KCNMB2: variants seen among roughly 807,000 people sequenced by gnomAD.
KCNMB2 encodes the protein potassium calcium-activated channel subfamily M regulatory beta subunit 2, also known as calcium-activated potassium channel subunit beta-2.
A neutral mutation model predicts 24.5 loss-of-function variants in KCNMB2; 9 were observed. The ratio of observed to expected loss-of-function variants is 0.37; its 90% CI spans 0.22 to 0.64. The LOEUF is 0.64. Among genes scored for constraint, KCNMB2 ranks in the 30% least tolerant of loss-of-function variants. The pLI is 0.63. For missense variants in KCNMB2, 226 were observed against 284.3 expected, an observed-to-expected ratio of 0.79 and a Z score of 1.47; for synonymous variants, 109 against 104.4, an observed-to-expected ratio of 1.04 and a Z score of -0.27.
chr3:178,674,397 C>T (rs1721004401), intron 1 of KCNMB2, among the ~76,000 whole-genome samples: 1 of 152,126 alleles, frequency 6.6e-6, no homozygotes, highest in Non-Finnish European at 1.5e-5. Flanking sequence ...CCTATTTCAC[C>T]TACACTCATG....
chr3:178,750,660 A>G (rs1560001297), intron 1 of KCNMB2, among the ~76,000 whole-genome samples: 2 of 152,192 alleles, frequency 1.3e-5, no homozygotes, highest in African/African-American at 4.8e-5. Flanking sequence ...ATGCAGACAG[A>G]CTTTTGCACC....
intron 1 of KCNMB2, among the ~76,000 whole-genome samples, chr3:178,690,546 A>G (rs1402167322): frequency 6.6e-6 from 1 of 152,176 alleles, no homozygotes; most frequent in Non-Finnish European, 1.5e-5. Context: ...AGGAAGAGAA[A>G]GAGGGAGGGA....
intron 1 of KCNMB2, among the ~76,000 whole-genome samples, chr3:178,728,442 G>C (rs1238031900): frequency 1.3e-5 from 2 of 152,134 alleles, no homozygotes. Context: ...AAAAGTGTTG[G>C]GCAGGAGGCA....
intron 1 of KCNMB2, among the ~76,000 whole-genome samples, chr3:178,768,894 C>A (rs139056980): frequency 1.5e-4 from 23 of 152,314 alleles, no homozygotes; most frequent in African/African-American, 5.5e-4. Context: ...CACATTTTTC[C>A]TTTAGTTTCA....
intron 1 of KCNMB2, among the ~76,000 whole-genome samples, chr3:178,797,710 T>C (rs1408155062): frequency 2.0e-5 from 3 of 152,248 alleles, no homozygotes; most frequent in Admixed American, 2.0e-4. Context: ...GCATTGAATC[T>C]ATAAATTACT....
At chr3:178,760,530 G>A (rs1386968273) in intron 1 of KCNMB2, among the ~76,000 whole-genome samples, 1 of 140,880 alleles carries the variant, frequency 7.1e-6, no homozygotes, top group Non-Finnish European at 1.6e-5. Context: ...GTGTGTGTGT[G>A]TGTGTTTGTG....
intron 1 of KCNMB2, among the ~76,000 whole-genome samples, chr3:178,636,217 A>G (rs1719514883): frequency 6.6e-6 from 1 of 152,232 alleles, no homozygotes; most frequent in African/African-American, 2.4e-5. Flanking sequence ...CTTCAGCATA[A>G]AAATGATATA....
chr3:178,826,773 T>G (rs1191884805), intron 3 of KCNMB2, among the ~76,000 whole-genome samples: 1 of 152,238 alleles, frequency 6.6e-6, no homozygotes, highest in Admixed American at 6.5e-5. Flanking sequence ...TGAAATACAG[T>G]AATTTGCTGA....
In KCNMB2 at chr3:178,669,997, G is replaced by T. The variant is rs535779458; in HGVS notation, c.-68+133286G>T. Among the ~76,000 whole-genome samples, 4 of 152,118 alleles carry T rather than the reference G, an allele frequency of 2.6e-5. No homozygotes were observed. The East Asian group carries it at 7.7e-4, about 29-fold the overall frequency. On this transcript the variant is annotated intron_variant, in intron 1 of 4. Transcript: ENST00000452583. ...GAGCTGGTTTTCATTGATTCTTCTT[G>T]ACTAGAAAATACATATACATATTGA...
chr3:178,731,450 C>G (rs1372764379), intron 1 of KCNMB2, among the ~76,000 whole-genome samples: 1 of 152,092 alleles, frequency 6.6e-6, no homozygotes. Flanking sequence ...GCCAAATGTC[C>G]CCCGTGGGAA....
At chr3:178,703,330 A>T (rs1722167475) in intron 1 of KCNMB2, among the ~76,000 whole-genome samples, 1 of 152,168 alleles carries the variant, frequency 6.6e-6, no homozygotes, top group Non-Finnish European at 1.5e-5. Flanking sequence ...ATTTGCCTAC[A>T]TGCTTTCCAC....
intron 1 of KCNMB2, among the ~76,000 whole-genome samples, chr3:178,652,754 C>A (rs912527037): frequency 6.6e-6 from 1 of 151,500 alleles, no homozygotes; most frequent in Admixed American, 6.6e-5. Context: ...CCTCTTCCTC[C>A]TGGGTTCAAG....
intron 1 of KCNMB2, among the ~76,000 whole-genome samples, chr3:178,688,916 T>C (rs1369208200): frequency 2.0e-5 from 3 of 152,204 alleles, no homozygotes; most frequent in Non-Finnish European, 4.4e-5. Flanking sequence ...TTATTTTTAT[T>C]TGAACAGCAA....
At chr3:178,594,266 C>T (rs1026396002) in intron 1 of KCNMB2, among the ~76,000 whole-genome samples, 1 of 152,036 alleles carries the variant, frequency 6.6e-6, no homozygotes, top group Non-Finnish European at 1.5e-5. Context: ...TTTAAAGGCT[C>T]ACTCTGGCTT....
At chr3:178,772,595 T>G (rs182402518) in intron 1 of KCNMB2, among the ~76,000 whole-genome samples, 1 of 152,248 alleles carries the variant, frequency 6.6e-6, no homozygotes, top group Non-Finnish European at 1.5e-5. Flanking sequence ...TCTCTTACTT[T>G]TGTAAATTAC....
intron 1 of KCNMB2, among the ~76,000 whole-genome samples, chr3:178,583,683 G>T (rs74635843): frequency 0.031 from 4,667 of 152,170 alleles, 238 homozygotes; most frequent in African/African-American, 0.11. Flanking sequence ...CTTTTCTGAG[G>T]CTCCGAAATT....
intron 1 of KCNMB2, among the ~76,000 whole-genome samples, chr3:178,625,238 G>A (rs1484510058): frequency 2.6e-5 from 4 of 152,252 alleles, no homozygotes; most frequent in African/African-American, 9.6e-5. Flanking sequence ...AGGGCTTGAG[G>A]AGGGACACCC....
chr3:178,696,531 A>AT (rs144132479), intron 1 of KCNMB2, among the ~76,000 whole-genome samples: 3 of 151,936 alleles, frequency 2.0e-5, no homozygotes, highest in South Asian at 2.1e-4. Flanking sequence ...ATTTTATCAA[A>AT]TTTTTTTCAA....
At chr3:178,610,271 T>A (rs960742418) in intron 1 of KCNMB2, among the ~76,000 whole-genome samples, 36 of 152,216 alleles carry the variant, frequency 2.4e-4, no homozygotes, top group African/African-American at 8.7e-4. Context: ...TGACTCCATA[T>A]AAATTTTAGC....
Sources: allele counts gnomAD v4.1 joint callset (sites outside exome capture counted in the v4.1 genomes callset), GRCh38; gene constraint gnomAD v4.1.1; transcripts MANE v1.5; gene names NCBI Gene and HGNC (gene_info 2026-07-23, HGNC 2026-07-21).